The following SLC25A26 variants were observed in gnomAD, a reference collection of about 807,000 sequenced individuals.
The protein encoded by SLC25A26 is mitochondrial S-adenosylmethionine carrier protein.
SLC25A26 carries 36 observed loss-of-function variants against 37.8 expected under a neutral mutation model. The ratio of observed to expected loss-of-function variants is 0.95; its 90% CI spans 0.73 to 1.26. SLC25A26 has a LOEUF of 1.26. Among genes scored for constraint, SLC25A26 ranks in the 50% most tolerant of loss-of-function variants. The probability of loss-of-function intolerance (pLI) is 0.00; values close to 1 mark genes in which losing one functional copy is unlikely to be tolerated. For synonymous variants in SLC25A26, 129 were observed against 122.5 expected (o/e 1.05, Z -0.35); for missense variants, 390 against 331.1 (o/e 1.18, Z -1.38).
chr3:66,240,662 T>G (rs538057160), intron 2 of SLC25A26, among the ~76,000 whole-genome samples: 1 of 152,292 alleles, frequency 6.6e-6, no homozygotes, highest in Admixed American at 6.5e-5. Context: ...ATTTTAACTT[T>G]TTATATTTTA....
intron 1 of SLC25A26, among the ~76,000 whole-genome samples, chr3:66,170,890 G>A (rs1040666239): frequency 1.2e-4 from 14 of 121,502 alleles, no homozygotes; most frequent in East Asian, 2.9e-4. Context: ...TGCAAGCTCC[G>A]CCTCCCGGGT....
At chr3:66,337,541 G>GA (rs570092486) in intron 5 of SLC25A26, among the ~76,000 whole-genome samples, 2 of 151,886 alleles carry the variant, frequency 1.3e-5, no homozygotes, top group Admixed American at 6.6e-5. Flanking sequence ...TGTTTAGGGG[G>GA]AAAAAATCAA....
chr3:66,172,218 C>T (rs1459607449), intron 1 of SLC25A26, among the ~76,000 whole-genome samples: 1 of 151,854 alleles, frequency 6.6e-6, no homozygotes, highest in African/African-American at 2.4e-5. Flanking sequence ...CAAGACCAGC[C>T]TGAGCAACAC....
At chr3:66,325,664 A>C (rs888840887) in intron 5 of SLC25A26, among the ~76,000 whole-genome samples, 1 of 152,200 alleles carries the variant, frequency 6.6e-6, no homozygotes, top group Non-Finnish European at 1.5e-5. Flanking sequence ...CAGCCCAGGC[A>C]GAGGAATCAT....
intron 6 of SLC25A26, among the ~76,000 whole-genome samples, chr3:66,347,646 A>G (rs956565467): frequency 1.3e-5 from 2 of 152,256 alleles, no homozygotes; most frequent in African/African-American, 4.8e-5. Flanking sequence ...AGGAATATAA[A>G]TCATTCTGTT....
chr3:66,326,827 A>C lies in SLC25A26; in HGVS notation c.454-19537A>C, dbSNP rs139457010. Among the ~76,000 whole-genome samples the C allele has an allele frequency of 2.7e-3, 407 of 152,340 alleles. 1 individual carries two copies. Among genetic ancestry groups the C allele is most frequent in the African/African-American group, 9.3e-3 (386 of 41,584 alleles). On this transcript the variant is annotated intron_variant, in intron 5 of 9. Transcript: ENST00000354883. ...AAAAAGGACACATCTCTGGTAATTA[A>C]TGGCAGAAAGCCCGGACAGTCGAGT...
chr3:66,226,449 C>T (rs2071755875), intron 1 of SLC25A26, among the ~76,000 whole-genome samples: 1 of 152,038 alleles, frequency 6.6e-6, no homozygotes. Context: ...GGTTGGGGAC[C>T]CAGAGCCAAA....
intron 1 of SLC25A26, among the ~76,000 whole-genome samples, chr3:66,151,111 A>G (rs530164740): frequency 2.0e-5 from 3 of 152,262 alleles, no homozygotes; most frequent in Non-Finnish European, 4.4e-5. Flanking sequence ...CACCCAACAC[A>G]TATTTTTTCA....
At chr3:66,178,949 T>C (rs146745736) in intron 1 of SLC25A26, among the ~76,000 whole-genome samples, 2,090 of 152,250 alleles carry the variant, frequency 0.014, 50 homozygotes, top group African/African-American at 0.047. Context: ...TCCAAATTCC[T>C]GGTGGTGGTG....
rs782714436 is a variant in SLC25A26 at position 66,243,239 on chromosome 3, G to A, written c.227G>A (p.Trp76Ter). 1 of 1,608,674 alleles carries A rather than the reference G, an allele frequency of 6.2e-7. No individual in the cohort carries two copies. The highest frequency in any genetic ancestry group is 1.1e-5 in the South Asian group (1 of 90,192). The change falls in exon 3 of 10, where the codon TGG (tryptophan) becomes TAG (stop). Residue 76 changes from tryptophan (W) to a stop codon, truncating the protein, a stop_gained. Transcript: ENST00000354883. LOFTEE classifies it high-confidence loss of function. ...TTTATCACCTATGAATATGTGAAGT[G>A]GTTTTTGCATGCTGATTCATCTTCA... ...AFFITYEYVKWFLHADSSSYL... is the reference protein window; with the variant it reads ...AFFITYEYVK
chr3:66,237,371 T>C (rs1361079772), intron 2 of SLC25A26, among the ~76,000 whole-genome samples: 1 of 152,262 alleles, frequency 6.6e-6, no homozygotes, highest in African/African-American at 2.4e-5. Flanking sequence ...TGTGTCATCC[T>C]AGAAGTTTAA....
intron 1 of SLC25A26, among the ~76,000 whole-genome samples, chr3:66,151,210 T>C (rs62246869): frequency 0.049 from 7,530 of 152,240 alleles, 242 homozygotes; most frequent in Non-Finnish European, 0.069. Flanking sequence ...GTGGCACTCA[T>C]AGCAAAGAAG....
At chr3:66,372,346 G>A (rs1575623448) in intron 9 of SLC25A26, among the ~76,000 whole-genome samples, 2 of 152,322 alleles carry the variant, frequency 1.3e-5, no homozygotes, top group East Asian at 1.9e-4. Flanking sequence ...GTGGCAGGTG[G>A]GGATGGCATG....
chr3:66,323,162 G>A (rs536385502), intron 5 of SLC25A26, among the ~76,000 whole-genome samples: 24 of 152,174 alleles, frequency 1.6e-4, no homozygotes, highest in Non-Finnish European at 2.8e-4. Context: ...GTGTAAATGC[G>A]GTCTTTCCCT....
chr3:66,314,878 C>G (rs114122499), intron 5 of SLC25A26, among the ~76,000 whole-genome samples: 1,783 of 151,636 alleles, frequency 0.012, 40 homozygotes, highest in African/African-American at 0.041. Flanking sequence ...AGGAATATAT[C>G]CATTTCTTAC....
rs750235981 is a variant in SLC25A26 at position 66,319,857 on chromosome 3, G to A, written c.454-26507G>A. ...CAACCTCTACTTCCCAGGTTCAAAC[G>A]ATTCTCCTGCCTCAGCCTCCTGAGT... On this transcript the variant is annotated intron_variant, in intron 5 of 9. Coordinates refer to ENST00000354883, the MANE Select transcript of SLC25A26 (RefSeq NM_001379210.1). Among the ~76,000 whole-genome samples the A allele has an allele frequency of 9.3e-5, 13 of 139,282 alleles. No homozygotes were observed. The South Asian group carries it at 1.4e-3, about 15-fold the overall frequency. The allele number at this position is 139,282 out of a possible 152,430, so 91.4% of individuals were successfully genotyped here. A position where few individuals can be genotyped will look rare whatever the true frequency, so the allele number is the denominator to read the frequency against.
At chr3:66,343,192 C>G (rs1411926147) in intron 5 of SLC25A26, among the ~76,000 whole-genome samples, 5 of 152,196 alleles carry the variant, frequency 3.3e-5, no homozygotes, top group Non-Finnish European at 7.3e-5. Context: ...TTTGTTTTAG[C>G]TATGGAGCTG....
chr3:66,169,558 T>C (rs763209833), intron 1 of SLC25A26, among the ~76,000 whole-genome samples: 9 of 152,234 alleles, frequency 5.9e-5, no homozygotes, highest in Admixed American at 1.3e-4. Context: ...ATTTCGTATG[T>C]TGCTTTTTCA....
chr3:66,222,357 T>G (rs1057305522), intron 1 of SLC25A26, among the ~76,000 whole-genome samples: 1 of 151,890 alleles, frequency 6.6e-6, no homozygotes, highest in Non-Finnish European at 1.5e-5. Flanking sequence ...ATTTTTTGGG[T>G]TTTTAGTGGA....
Sources: allele counts gnomAD v4.1 joint callset (sites outside exome capture counted in the v4.1 genomes callset), GRCh38; gene constraint gnomAD v4.1.1; transcripts MANE v1.5; gene names NCBI Gene and HGNC (gene_info 2026-07-23, HGNC 2026-07-21).